Variants in GPC5 observed in about 807,000 individuals in gnomAD.
GPC5 encodes the protein glypican-5.
GPC5 carries 47 observed loss-of-function variants against 53.9 expected under a neutral mutation model. The ratio of observed to expected loss-of-function variants is 0.87; its 90% CI spans 0.69 to 1.11. The LOEUF is 1.11. GPC5 is among the 50% of genes most tolerant of loss of function. The probability of loss-of-function intolerance (pLI) is 0.00; values close to 1 mark genes in which losing one functional copy is unlikely to be tolerated. For missense variants in GPC5, 748 were observed against 713.1 expected (o/e 1.05, Z -0.56); for synonymous variants, 286 against 263.3 (o/e 1.09, Z -0.84).
chr13:92,748,476 C>T (rs72632634), intron 7 of GPC5, among the ~76,000 whole-genome samples: 9,673 of 151,546 alleles, frequency 0.064, 809 homozygotes, highest in East Asian at 0.37. Flanking sequence ...GTATTACAGG[C>T]GCCCTGCTAA....
At chr13:92,094,724 A>G (rs2041408421) in intron 6 of GPC5, among the ~76,000 whole-genome samples, 1 of 151,268 alleles carries the variant, frequency 6.6e-6, no homozygotes, top group African/African-American at 2.4e-5. Context: ...TGATCTCAGA[A>G]AAATCCTAAT....
intron 7 of GPC5, among the ~76,000 whole-genome samples, chr13:92,204,643 G>T (rs1016439891): frequency 6.6e-6 from 1 of 152,116 alleles, no homozygotes; most frequent in African/African-American, 2.4e-5. Flanking sequence ...CTCACTGAAA[G>T]CCATTATGCT....
chr13:91,838,722 C>CA (rs1420247244), intron 5 of GPC5, among the ~76,000 whole-genome samples: 4 of 152,078 alleles, frequency 2.6e-5, no homozygotes, highest in African/African-American at 9.7e-5. Context: ...AGTTAGGAGG[C>CA]ACTGTCGTCG....
intron 2 of GPC5, among the ~76,000 whole-genome samples, chr13:91,580,016 A>G (rs557435194): frequency 2.6e-4 from 40 of 152,218 alleles, no homozygotes; most frequent in African/African-American, 9.4e-4. Flanking sequence ...GAGATATAAT[A>G]TTTCACAGAA....
At position 92,474,009 on chromosome 13, in the gene GPC5, G is replaced by A. The variant is rs551721366; in HGVS notation, c.1561+329020G>A. Among the ~76,000 whole-genome samples, 12 of 152,240 alleles carry A rather than the reference G, an allele frequency of 7.9e-5. No individual in the cohort carries two copies. In the South Asian group the frequency reaches 2.5e-3, roughly 32 times the overall value. On this transcript the variant is annotated intron_variant, in intron 7 of 7. Transcript: ENST00000377067. ...ACAAAAGGCAGAGCTGAGATTAGAT[G>A]TTGAGGTTTATTGCCTTGCTAAAGT... is the stretch of plus-strand genomic sequence containing the variant.
chr13:92,149,678 A>C (rs1331955999), intron 7 of GPC5, among the ~76,000 whole-genome samples: 1 of 152,004 alleles, frequency 6.6e-6, no homozygotes, highest in African/African-American at 2.4e-5. Flanking sequence ...TTAGTAATGC[A>C]AGATTGTAGA....
At chr13:92,555,274 T>C (rs1882455021) in intron 7 of GPC5, among the ~76,000 whole-genome samples, 1 of 151,428 alleles carries the variant, frequency 6.6e-6, no homozygotes, top group Non-Finnish European at 1.5e-5. Context: ...ATTGATAGAA[T>C]AAGACATCCT....
chr13:91,427,811 TG>T (rs981925218), intron 1 of GPC5, among the ~76,000 whole-genome samples: 1 of 152,114 alleles, frequency 6.6e-6, no homozygotes, highest in Admixed American at 6.5e-5. Flanking sequence ...TGGAGAGACC[TG>T]GGGGGAAGTG....
chr13:92,359,856 T>C (rs2043551705), intron 7 of GPC5, among the ~76,000 whole-genome samples: 1 of 151,708 alleles, frequency 6.6e-6, no homozygotes, highest in South Asian at 2.1e-4. Flanking sequence ...CTCCAAAACT[T>C]GGGATTAAAA....
At chr13:91,640,869 A>C (rs1004580866) in intron 2 of GPC5, among the ~76,000 whole-genome samples, 1 of 152,190 alleles carries the variant, frequency 6.6e-6, no homozygotes, top group Non-Finnish European at 1.5e-5. Context: ...AAAGACATGA[A>C]ATAAACCCAA....
At chr13:91,498,566 G>A (rs966100494) in intron 2 of GPC5, among the ~76,000 whole-genome samples, 17 of 152,140 alleles carry the variant, frequency 1.1e-4, no homozygotes, top group African/African-American at 2.9e-4. Context: ...CAGAAATGTA[G>A]TAGGTTGGGG....
chr13:91,880,385 T>C (rs2039251174), intron 5 of GPC5, among the ~76,000 whole-genome samples: 1 of 152,126 alleles, frequency 6.6e-6, no homozygotes, highest in Non-Finnish European at 1.5e-5. Context: ...AATGAACTCG[T>C]GTATGTTTAT....
intron 7 of GPC5, among the ~76,000 whole-genome samples, chr13:92,675,896 A>G (rs1036316683): frequency 6.6e-6 from 1 of 152,138 alleles, no homozygotes; most frequent in African/African-American, 2.4e-5. Context: ...CCATTCCCAC[A>G]TAGTGCTAAG....
intron 2 of GPC5, among the ~76,000 whole-genome samples, chr13:91,582,329 T>C: frequency 6.6e-6 from 1 of 152,172 alleles, no homozygotes; most frequent in East Asian, 1.9e-4. Context: ...CAAAATAAAA[T>C]ATTCTCTGGA....
intron 7 of GPC5, among the ~76,000 whole-genome samples, chr13:92,215,628 A>G (rs769241468): frequency 2.2e-4 from 33 of 152,174 alleles, no homozygotes; most frequent in Admixed American, 1.2e-3. Context: ...CCTAGAAATA[A>G]AATGAAGGCT....
chr13:92,256,249 A>G (rs2042725236), intron 7 of GPC5, among the ~76,000 whole-genome samples: 1 of 152,072 alleles, frequency 6.6e-6, no homozygotes, highest in African/African-American at 2.4e-5. Context: ...CCTCAATTGG[A>G]TGTCGAATGT....
chr13:92,412,126 A>G (rs1876071041), intron 7 of GPC5, among the ~76,000 whole-genome samples: 1 of 152,220 alleles, frequency 6.6e-6, no homozygotes, highest in African/African-American at 2.4e-5. Flanking sequence ...ACCTTTTGAC[A>G]TCTTTGATCC....
intron 7 of GPC5, among the ~76,000 whole-genome samples, chr13:92,166,946 TCTCTCTCTCTCACACACA>T (rs1200546410): frequency 0.044 from 3,061 of 68,872 alleles, 25 homozygotes; most frequent in South Asian, 0.087. Flanking sequence ...TCTCTCTCTC[TCTCTCTCTCTCACACACA>T]CACACACACA....
intron 3 of GPC5, among the ~76,000 whole-genome samples, chr13:91,710,941 C>G (rs187552827): frequency 2.8e-4 from 42 of 152,270 alleles, no homozygotes; most frequent in African/African-American, 8.9e-4. Flanking sequence ...GTGGTTTCCA[C>G]GCAGATCATG....
Sources: allele counts gnomAD v4.1 joint callset (sites outside exome capture counted in the v4.1 genomes callset), GRCh38; gene constraint gnomAD v4.1.1; transcripts MANE v1.5; gene names NCBI Gene and HGNC (gene_info 2026-07-23, HGNC 2026-07-21).